MDGA2: variants seen among roughly 807,000 people sequenced by gnomAD.
The protein encoded by MDGA2 is MAM domain-containing glycosylphosphatidylinositol anchor protein 2.
Under a neutral mutation model 117.8 loss-of-function variants are expected in MDGA2, and 40 were observed. The ratio of observed to expected loss-of-function variants is 0.34; its 90% CI spans 0.26 to 0.44. The LOEUF (loss-of-function observed/expected upper bound fraction) is 0.44, where lower values mean the gene tolerates loss of function less well. Among genes scored for constraint, MDGA2 ranks in the 20% least tolerant of loss-of-function variants. The probability of loss-of-function intolerance (pLI) is 1.00; values close to 1 mark genes in which losing one functional copy is unlikely to be tolerated. For synonymous variants in MDGA2, 452 were observed against 439.0 expected, an observed-to-expected ratio of 1.03 and a Z score of -0.37; for missense variants, 1,123 against 1,250.6, an observed-to-expected ratio of 0.90 and a Z score of 1.54.
intron 2 of MDGA2, among the ~76,000 whole-genome samples, chr14:47,225,459 C>T (rs967169495): frequency 2.1e-4 from 32 of 152,168 alleles, no homozygotes; most frequent in Non-Finnish European, 4.3e-4. Flanking sequence ...GGCACATAGA[C>T]ACCACGGAAT....
intron 9 of MDGA2, among the ~76,000 whole-genome samples, chr14:46,944,361 AT>A (rs530710250): frequency 6.6e-5 from 10 of 150,624 alleles, no homozygotes; most frequent in African/African-American, 9.7e-5. Flanking sequence ...TCAGAATATC[AT>A]TTTTTTTTCT....
intron 1 of MDGA2, among the ~76,000 whole-genome samples, chr14:47,659,270 T>G (rs761385455): frequency 8.5e-5 from 13 of 152,206 alleles, no homozygotes; most frequent in Non-Finnish European, 1.3e-4. Context: ...ACTATTTTCA[T>G]TATTTGCTTT....
chr14:47,232,612 G>T (rs996931731), intron 2 of MDGA2, among the ~76,000 whole-genome samples: 1 of 152,070 alleles, frequency 6.6e-6, no homozygotes, highest in Admixed American at 6.6e-5. Context: ...GAAGTGTAAA[G>T]TCAGTACTAC....
chr14:47,327,712 C>A (rs980081470), intron 1 of MDGA2, among the ~76,000 whole-genome samples: 3 of 152,100 alleles, frequency 2.0e-5, no homozygotes, highest in African/African-American at 7.2e-5. Flanking sequence ...ATATACAGTA[C>A]AAACATTTAT....
chr14:47,503,473 A>G, intron 1 of MDGA2, among the ~76,000 whole-genome samples: 1 of 136,652 alleles, frequency 7.3e-6, no homozygotes, highest in Non-Finnish European at 1.5e-5. Flanking sequence ...CCCAGGCTGG[A>G]GTGCAGTGGC....
intron 1 of MDGA2, among the ~76,000 whole-genome samples, chr14:47,478,518 G>A (rs965184677): frequency 9.9e-5 from 15 of 152,004 alleles, no homozygotes; most frequent in Admixed American, 8.5e-4. Flanking sequence ...GGGACTACAG[G>A]TGCCCGATAC....
chr14:47,233,716 G>T (rs765343354), intron 2 of MDGA2, among the ~76,000 whole-genome samples: 2 of 152,100 alleles, frequency 1.3e-5, no homozygotes, highest in Non-Finnish European at 2.9e-5. Context: ...GTTTATAAAA[G>T]AAACCATGCT....
chr14:47,290,602 A>G (rs11845482), intron 2 of MDGA2, among the ~76,000 whole-genome samples: 42,191 of 152,014 alleles, frequency 0.28, 6,660 homozygotes, highest in Admixed American at 0.47. Context: ...TTACAAGTCT[A>G]TAAGAAAATA....
At chr14:47,023,895 A>G (rs372320466) in intron 8 of MDGA2, among the ~76,000 whole-genome samples, 87 of 152,300 alleles carry the variant, frequency 5.7e-4, no homozygotes, top group South Asian at 1.2e-3. Context: ...AAGAGAGTAT[A>G]GAGTAAGGAA....
chr14:47,561,171 G>GT lies in MDGA2; in HGVS notation c.280+113345dup, dbSNP rs1594918273. ...TTTTTTTGTTTTGTTTTGTTTTTTT[G>GT]TTTGTTTGTTTTTTTTTGCTTAGGA... On this transcript the variant is annotated intron_variant, in intron 1 of 16. Coordinates refer to ENST00000399232, the MANE Select transcript of MDGA2 (RefSeq NM_001113498.3). Among the ~76,000 whole-genome samples, 22 of 68,474 alleles carry GT rather than the reference G, an allele frequency of 3.2e-4. No homozygotes were observed. In the South Asian group the frequency reaches 7.9e-3, roughly 24 times the overall value. 44.9% of individuals were successfully genotyped at this position (68,474 alleles called of 152,430 possible). A position where few individuals can be genotyped will look rare whatever the true frequency, so the allele number is the denominator to read the frequency against.
At chr14:46,950,718 T>C (rs940494118) in intron 9 of MDGA2, among the ~76,000 whole-genome samples, 2 of 151,960 alleles carry the variant, frequency 1.3e-5, no homozygotes, top group Admixed American at 1.3e-4. Flanking sequence ...TTACTTCTGA[T>C]AGTTATTAAT....
chr14:47,059,316 G>C (rs1566598993), intron 7 of MDGA2: 3 of 1,272,462 alleles, frequency 2.4e-6, no homozygotes, highest in Non-Finnish European at 3.1e-6. Flanking sequence ...TAGTTAAGTG[G>C]GTACTTTCCA....
intron 8 of MDGA2, among the ~76,000 whole-genome samples, chr14:46,988,581 G>A (rs750485493): frequency 1.3e-5 from 2 of 152,020 alleles, no homozygotes; most frequent in African/African-American, 2.4e-5. Context: ...AAGCTAATGA[G>A]TGGCAGAAGG....
chr14:47,325,095 GA>G (rs1488734389), intron 1 of MDGA2, among the ~76,000 whole-genome samples: 3 of 152,172 alleles, frequency 2.0e-5, no homozygotes, highest in Non-Finnish European at 4.4e-5. Flanking sequence ...AAAAAAACTA[GA>G]ACTAGTGTGT....
chr14:47,371,424 C>G (rs1891356437), intron 1 of MDGA2, among the ~76,000 whole-genome samples: 1 of 151,678 alleles, frequency 6.6e-6, no homozygotes. Context: ...CAGTCATGAA[C>G]TATATTCAAG....
intron 1 of MDGA2, among the ~76,000 whole-genome samples, chr14:47,344,709 TTTTG>T (rs934468828): frequency 4.6e-5 from 7 of 151,970 alleles, no homozygotes; most frequent in African/African-American, 7.2e-5. Context: ...TATAAAAATA[TTTTG>T]TTTGTTTCTT....
chr14:47,462,741 T>C (rs1893517014), intron 1 of MDGA2, among the ~76,000 whole-genome samples: 1 of 152,204 alleles, frequency 6.6e-6, no homozygotes, highest in Non-Finnish European at 1.5e-5. Flanking sequence ...GCATTTTTTT[T>C]TTAAATGGAG....
chr14:46,928,699 C>T (rs1161693029), intron 9 of MDGA2, among the ~76,000 whole-genome samples: 2 of 152,114 alleles, frequency 1.3e-5, no homozygotes, highest in Non-Finnish European at 2.9e-5. Context: ...TCCTGCAGTT[C>T]CTCTCTGCTT....
chr14:47,433,775 A>G (rs1167893233), intron 1 of MDGA2, among the ~76,000 whole-genome samples: 1 of 152,158 alleles, frequency 6.6e-6, no homozygotes, highest in Non-Finnish European at 1.5e-5. Flanking sequence ...AAAGCAGACA[A>G]AGCATTATCT....
Sources: allele counts gnomAD v4.1 joint callset (sites outside exome capture counted in the v4.1 genomes callset), GRCh38; gene constraint gnomAD v4.1.1; transcripts MANE v1.5; gene names NCBI Gene and HGNC (gene_info 2026-07-23, HGNC 2026-07-21).